LRRC8D: variants seen among roughly 807,000 people sequenced by gnomAD.
LRRC8D encodes the protein leucine rich repeat containing 8 VRAC subunit D, also known as volume-regulated anion channel subunit LRRC8D.
Under a neutral mutation model 55.8 loss-of-function variants are expected in LRRC8D, and 20 were observed. The observed-to-expected ratio is 0.36, with a 90% confidence interval of 0.25 to 0.52. The LOEUF is 0.52. LRRC8D is among the 20% of genes least tolerant of loss of function. LRRC8D has a pLI of 0.93. For synonymous variants in LRRC8D, 352 were observed against 377.0 expected, an observed-to-expected ratio of 0.93 and a Z score of 0.77; for missense variants, 651 against 1,030.8, an observed-to-expected ratio of 0.63 and a Z score of 5.05.
At chr1:89,821,685 GGTGGGTGTTTGGT>G (rs1383193718) in intron 1 of LRRC8D, among the ~76,000 whole-genome samples, 1 of 152,166 alleles carries the variant, frequency 6.6e-6, no homozygotes, top group East Asian at 1.9e-4. Context: ...TCCTCCCGGA[GGTGGGTGTTTGGT>G]GTCTGGCCTT....
At chr1:89,834,780 A>G (rs1660966543) in intron 1 of LRRC8D, among the ~76,000 whole-genome samples, 1 of 152,200 alleles carries the variant, frequency 6.6e-6, no homozygotes, top group African/African-American at 2.4e-5. Flanking sequence ...TGACAGGTAG[A>G]GAATTGATGG....
chr1:89,874,251 C>T (rs950117041), intron 2 of LRRC8D, among the ~76,000 whole-genome samples: 2 of 152,132 alleles, frequency 1.3e-5, no homozygotes, highest in African/African-American at 4.8e-5. Context: ...TAATTGTAGA[C>T]CCCTAAATTC....
At chr1:89,883,894 A>T (rs558001997) in intron 2 of LRRC8D, among the ~76,000 whole-genome samples, 1 of 152,284 alleles carries the variant, frequency 6.6e-6, no homozygotes, top group African/African-American at 2.4e-5. Flanking sequence ...GACTTTAGAA[A>T]AGCTGGGTGC....
At chr1:89,927,283 A>G (rs1176315703) in intron 2 of LRRC8D, among the ~76,000 whole-genome samples, 2 of 152,382 alleles carry the variant, frequency 1.3e-5, no homozygotes, top group Non-Finnish European at 2.9e-5. Context: ...TTTCTGCGGC[A>G]GCTTCTTTTA....
At chr1:89,821,525 C>T (rs1253102074) in intron 1 of LRRC8D, among the ~76,000 whole-genome samples, 1 of 152,174 alleles carries the variant, frequency 6.6e-6, no homozygotes, top group East Asian at 1.9e-4. Context: ...TTTCTGCAGT[C>T]TGAGCGTCGG....
intron 2 of LRRC8D, among the ~76,000 whole-genome samples, chr1:89,874,898 G>A (rs1662111760): frequency 6.6e-6 from 1 of 152,162 alleles, no homozygotes; most frequent in Admixed American, 6.5e-5. Context: ...TAGTTCTACT[G>A]AGACTTTACC....
chr1:89,825,426 TTATG>T (rs1660739636), intron 1 of LRRC8D, among the ~76,000 whole-genome samples: 2 of 152,216 alleles, frequency 1.3e-5, no homozygotes, highest in Admixed American at 6.5e-5. Flanking sequence ...GTAGTTCTGT[TTATG>T]TATCTGGAAG....
intron 2 of LRRC8D, among the ~76,000 whole-genome samples, chr1:89,882,217 G>A (rs569603313): frequency 1.8e-4 from 28 of 152,344 alleles, no homozygotes; most frequent in African/African-American, 6.5e-4. Flanking sequence ...GCATATGTTT[G>A]TTAGGTCCCC....
chr1:89,904,719 TATTATGAGACCTAAGTTTGA>T (rs983425531), intron 2 of LRRC8D, among the ~76,000 whole-genome samples: 1 of 152,202 alleles, frequency 6.6e-6, no homozygotes, highest in African/African-American at 2.4e-5. Context: ...ACGTCAGTTT[TATTATGAGACCTAAGTTTGA>T]GTCCCAGTGC....
intron 2 of LRRC8D, among the ~76,000 whole-genome samples, chr1:89,908,410 C>T (rs1327214375): frequency 2.0e-5 from 3 of 152,138 alleles, no homozygotes; most frequent in African/African-American, 7.2e-5. Context: ...AAGACTAGAA[C>T]CCAGCCAGCC....
chr1:89,890,535 T>C (rs1662549985), intron 2 of LRRC8D, among the ~76,000 whole-genome samples: 1 of 152,250 alleles, frequency 6.6e-6, no homozygotes. Flanking sequence ...CCGTATCCCC[T>C]TTATCTCCTG....
chr1:89,836,694 G>A (rs1661011569), intron 1 of LRRC8D, among the ~76,000 whole-genome samples: 1 of 152,088 alleles, frequency 6.6e-6, no homozygotes, highest in Admixed American at 6.5e-5. Flanking sequence ...TTCAGTCTTG[G>A]CATTTTAGGT....
At chr1:89,899,987 GA>G (rs2100906354) in intron 2 of LRRC8D, among the ~76,000 whole-genome samples, 1 of 152,316 alleles carries the variant, frequency 6.6e-6, no homozygotes, top group Non-Finnish European at 1.5e-5. Context: ...AAACGTGAAT[GA>G]ATTATGATCC....
chr1:89,877,859 G>A (rs555298905), intron 2 of LRRC8D, among the ~76,000 whole-genome samples: 2 of 152,158 alleles, frequency 1.3e-5, no homozygotes, highest in Non-Finnish European at 2.9e-5. Flanking sequence ...TTGTTCCTAA[G>A]CAGGAATCAT....
At chr1:89,896,890 A>G (rs1346585580) in intron 2 of LRRC8D, among the ~76,000 whole-genome samples, 1 of 152,236 alleles carries the variant, frequency 6.6e-6, no homozygotes, top group African/African-American at 2.4e-5. Context: ...TTGGATGCCT[A>G]TTGTGCATTA....
intron 2 of LRRC8D, among the ~76,000 whole-genome samples, chr1:89,846,019 T>C (rs1661268938): frequency 6.6e-6 from 1 of 152,110 alleles, no homozygotes; most frequent in South Asian, 2.1e-4. Context: ...CACCCCATGA[T>C]CCACCCGCCT....
chr1:89,927,831 GCT>G (rs1182797564), intron 2 of LRRC8D, among the ~76,000 whole-genome samples: 2 of 152,186 alleles, frequency 1.3e-5, no homozygotes, highest in African/African-American at 4.8e-5. Flanking sequence ...TCAGGAATGT[GCT>G]CTCTATAAAA....
intron 1 of LRRC8D, among the ~76,000 whole-genome samples, chr1:89,831,440 A>G (rs1004789679): frequency 1.3e-5 from 2 of 152,154 alleles, no homozygotes; most frequent in African/African-American, 4.8e-5. Flanking sequence ...GAGTATGAAT[A>G]TAAAAGGGGA....
chr1:89,932,433 G>A (rs1663734264), intron 2 of LRRC8D, among the ~76,000 whole-genome samples: 1 of 152,176 alleles, frequency 6.6e-6, no homozygotes, highest in African/African-American at 2.4e-5. Context: ...ACTGTTCATG[G>A]ACACTTCCAC....
Sources: gnomAD v4.1 joint callset for allele counts (sites outside exome capture counted in the v4.1 genomes callset) on GRCh38, gnomAD v4.1.1 for gene constraint, MANE v1.5 for transcripts, NCBI Gene and HGNC (gene_info 2026-07-23, HGNC 2026-07-21) for gene names.